The following ICA1 variants were observed in gnomAD, a reference collection of about 807,000 sequenced individuals.
ICA1 encodes the protein 69 kDa islet cell autoantigen.
In ICA1, 40 loss-of-function variants were observed where a neutral mutation model predicts 71.0. The observed-to-expected ratio is 0.56, with a 90% CI of 0.44 to 0.73. The LOEUF (loss-of-function observed/expected upper bound fraction) is 0.73, where lower values mean the gene tolerates loss of function less well. ICA1 is among the 30% of genes least tolerant of loss of function. The pLI is 0.00. For synonymous variants in ICA1, 207 were observed against 209.5 expected (o/e 0.99, Z 0.10); for missense variants, 578 against 576.5 (o/e 1.00, Z -0.03).
chr7:8,262,299 CG>C (rs1221620653), upstream of ICA1: 1 of 151,838 alleles, frequency 6.6e-6, no homozygotes, highest in African/African-American at 2.4e-5. Context: ...CCGGGGGGTG[CG>C]GGCGCCCTCG....
intron 12 of ICA1, among the ~76,000 whole-genome samples, chr7:8,133,452 TA>T (rs763463521): frequency 7.9e-5 from 12 of 152,194 alleles, no homozygotes; most frequent in Non-Finnish European, 1.6e-4. Context: ...TTTGTAGAGA[TA>T]GGGTTTTACT....
chr7:8,238,518 G>A (rs1023308231), intron 1 of ICA1, among the ~76,000 whole-genome samples: 1 of 152,090 alleles, frequency 6.6e-6, no homozygotes, highest in African/African-American at 2.4e-5. Flanking sequence ...AGGAGTTATT[G>A]CAGGAGTTCT....
intron 6 of ICA1, among the ~76,000 whole-genome samples, chr7:8,201,101 C>A (rs1789497951): frequency 6.6e-6 from 1 of 152,138 alleles, no homozygotes; most frequent in Admixed American, 6.5e-5. Context: ...AATATATCAA[C>A]GTGGTTTTCT....
chr7:8,142,713 T>G (rs1795641178), intron 9 of ICA1, among the ~76,000 whole-genome samples: 3 of 152,294 alleles, frequency 2.0e-5, no homozygotes, highest in South Asian at 2.1e-4. Flanking sequence ...AAGGTTGTCA[T>G]GAGATGGAAT....
intron 1 of ICA1, among the ~76,000 whole-genome samples, chr7:8,245,422 G>T: frequency 7.8e-6 from 1 of 128,758 alleles, no homozygotes; most frequent in South Asian, 3.1e-4. Flanking sequence ...GGTGGGGGGT[G>T]GGGGCAGGGA....
At chr7:8,149,012 C>T (rs1244428771) in intron 8 of ICA1, among the ~76,000 whole-genome samples, 1 of 152,176 alleles carries the variant, frequency 6.6e-6, no homozygotes, top group Admixed American at 6.5e-5. Flanking sequence ...TTGAAGTCCA[C>T]GACTCCATTG....
At chr7:8,247,062 G>C (rs934316689) in intron 1 of ICA1, among the ~76,000 whole-genome samples, 3 of 151,420 alleles carry the variant, frequency 2.0e-5, no homozygotes, top group East Asian at 2.0e-4. Flanking sequence ...TTTCATATAT[G>C]CTTGCTGTGC....
intron 1 of ICA1, among the ~76,000 whole-genome samples, chr7:8,257,630 C>A (rs968043549): frequency 9.9e-5 from 15 of 152,090 alleles, no homozygotes; most frequent in African/African-American, 3.1e-4. Flanking sequence ...CATTCAGTCA[C>A]CCTCTCTTAA....
intron 4 of ICA1, among the ~76,000 whole-genome samples, chr7:8,228,245 C>G (rs2080171): frequency 0.15 from 22,132 of 152,026 alleles, 4,002 homozygotes; most frequent in African/African-American, 0.43. Flanking sequence ...CCTTCTGTCT[C>G]TTATCTTAAA....
At chr7:8,179,943 C>T (rs761350924) in intron 6 of ICA1, among the ~76,000 whole-genome samples, 1 of 152,034 alleles carries the variant, frequency 6.6e-6, no homozygotes, top group Non-Finnish European at 1.5e-5. Flanking sequence ...TTATTCTATG[C>T]TTTTTTTCAT....
chr7:8,148,322 T>A (rs1189393032), intron 8 of ICA1, among the ~76,000 whole-genome samples: 1 of 152,208 alleles, frequency 6.6e-6, no homozygotes, highest in South Asian at 2.1e-4. Flanking sequence ...CCAACGCTTA[T>A]TCCTTAATTT....
chr7:8,238,872 C>T (rs1294882520), intron 1 of ICA1, among the ~76,000 whole-genome samples: 2 of 152,164 alleles, frequency 1.3e-5, no homozygotes, highest in African/African-American at 4.8e-5. Flanking sequence ...ATACAGAATC[C>T]TAGACCCCAC....
chr7:8,230,144 G>T (rs1239984704), intron 3 of ICA1, among the ~76,000 whole-genome samples: 5 of 152,206 alleles, frequency 3.3e-5, no homozygotes, highest in Non-Finnish European at 5.9e-5. Context: ...AGTGACTCTG[G>T]CAAGAAGACT....
At chr7:8,237,499 T>C (rs933936074) in intron 1 of ICA1, among the ~76,000 whole-genome samples, 29 of 152,198 alleles carry the variant, frequency 1.9e-4, no homozygotes, top group Non-Finnish European at 2.6e-4. Context: ...TACAGTATAG[T>C]AGTGCTAACA....
chr7:8,173,705 T>G lies in ICA1; in HGVS notation c.580-15053A>C, dbSNP rs1167159296. On this transcript the variant is annotated intron_variant, in intron 6 of 13. Transcript: ENST00000402384. The surrounding 1 kb of genome is among the most constrained non-coding windows in gnomAD (Gnocchi z 4.0). Reference sequence around the variant, plus strand: ...GTACTATTTCATGCTCACAACAGCCTTGTTGTTATTAAGATGTTTCATAAA... The same window carrying G: ...GTACTATTTCATGCTCACAACAGCCGTGTTGTTATTAAGATGTTTCATAAA... Among the ~76,000 whole-genome samples the G allele has an allele frequency of 1.3e-5, 2 of 152,168 alleles. No homozygotes were observed. Among genetic ancestry groups the G allele is most frequent in the African/African-American group, 4.8e-5 (2 of 41,438 alleles).
intron 6 of ICA1, among the ~76,000 whole-genome samples, chr7:8,195,977 C>CAGAACA (rs1554332505): frequency 6.2e-5 from 8 of 129,328 alleles, no homozygotes; most frequent in African/African-American, 2.0e-4. Flanking sequence ...GGCTCCGTCT[C>CAGAACA]ACAACAACAA....
intron 13 of ICA1, among the ~76,000 whole-genome samples, chr7:8,120,283 G>C (rs1191832140): frequency 1.3e-5 from 2 of 152,164 alleles, no homozygotes; most frequent in Non-Finnish European, 1.5e-5. Context: ...CGCATGAAGA[G>C]ATAAAATAGT....
intron 4 of ICA1, among the ~76,000 whole-genome samples, chr7:8,225,722 C>G (rs1193613840): frequency 2.0e-5 from 3 of 152,150 alleles, no homozygotes; most frequent in African/African-American, 4.8e-5. Context: ...AAAACAATGG[C>G]TTCATAGTGG....
Position 8,227,752 on chromosome 7 carries a change from T to C in ICA1, c.256+849A>G, listed in dbSNP as rs138630743. 4.8e-4 allele frequency: 195 copies of C among 409,798 alleles called. 1 individual carries two copies. The highest frequency in any genetic ancestry group is 3.7e-3 in the African/African-American group (177 of 47,882). The allele number at this position is 409,798 out of a possible 1,614,324, so 25.4% of individuals were successfully genotyped here. A position where few individuals can be genotyped will look rare whatever the true frequency, so the allele number is the denominator to read the frequency against. Reference sequence around the variant, plus strand: ...GCACGGTACCCGGATAATTTTTAAGTGTTTTTATTTTTTGTAGAGATGGGG... The same window carrying C: ...GCACGGTACCCGGATAATTTTTAAGCGTTTTTATTTTTTGTAGAGATGGGG... On this transcript the variant is annotated intron_variant, in intron 4 of 13. Transcript: ENST00000402384.
Sources: gnomAD v4.1 joint callset for allele counts (sites outside exome capture counted in the v4.1 genomes callset) on GRCh38, gnomAD v4.1.1 for gene constraint, Gnocchi (gnomAD v3.1) non-coding constraint, MANE v1.5 for transcripts, NCBI Gene and HGNC (gene_info 2026-07-23, HGNC 2026-07-21) for gene names.